Variants in RALYL observed in about 807,000 individuals in gnomAD.
The protein encoded by RALYL is RALY RNA binding protein like, also known as RNA-binding Raly-like protein.
A neutral mutation model predicts 35.1 loss-of-function variants in RALYL; 29 were observed. The ratio of observed to expected loss-of-function variants is 0.83; its 90% CI spans 0.61 to 1.13. RALYL has a LOEUF of 1.13. RALYL is among the 50% of genes most tolerant of loss of function. The pLI is 0.00. For missense variants in RALYL, 359 were observed against 360.4 expected, an observed-to-expected ratio of 1.00 and a Z score of 0.03; for synonymous variants, 120 against 127.6, an observed-to-expected ratio of 0.94 and a Z score of 0.40.
At chr8:84,442,511 A>C (rs2048437601) in intron 1 of RALYL, among the ~76,000 whole-genome samples, 1 of 152,100 alleles carries the variant, frequency 6.6e-6, no homozygotes, top group Non-Finnish European at 1.5e-5. Flanking sequence ...ACAAAACCAA[A>C]TAAGACCTAG....
intron 1 of RALYL, among the ~76,000 whole-genome samples, chr8:84,527,454 A>C (rs905356248): frequency 6.6e-6 from 1 of 152,302 alleles, no homozygotes. Flanking sequence ...CTGTCCAGGA[A>C]ATAAAATGTC....
chr8:84,226,693 AT>A (rs1001063682), intron 1 of RALYL, among the ~76,000 whole-genome samples: 3 of 152,096 alleles, frequency 2.0e-5, no homozygotes, highest in Non-Finnish European at 2.9e-5. Flanking sequence ...AAAAGTTCAA[AT>A]TTTTTTTGAA....
chr8:84,452,745 AT>A (rs1356207806), intron 1 of RALYL, among the ~76,000 whole-genome samples: 2 of 151,936 alleles, frequency 1.3e-5, no homozygotes, highest in Non-Finnish European at 2.9e-5. Flanking sequence ...CTGTTTATGT[AT>A]TTTTGTACAT....
intron 1 of RALYL, among the ~76,000 whole-genome samples, chr8:84,266,956 T>C (rs1435746741): frequency 8.6e-6 from 1 of 115,752 alleles, no homozygotes; most frequent in Non-Finnish European, 1.7e-5. Flanking sequence ...CGAGACTCCG[T>C]CTCAAAAAAA....
intron 2 of RALYL, among the ~76,000 whole-genome samples, chr8:84,568,257 T>A (rs2061934173): frequency 3.6e-5 from 5 of 138,814 alleles, no homozygotes; most frequent in East Asian, 2.2e-4. Flanking sequence ...TGTCCATGTG[T>A]TCTCATTGTT....
chr8:84,642,722 G>A (rs914510034), intron 2 of RALYL, among the ~76,000 whole-genome samples: 2 of 152,022 alleles, frequency 1.3e-5, no homozygotes, highest in Non-Finnish European at 2.9e-5. Flanking sequence ...GGTGTCCCTG[G>A]ATTGAATAAG....
intron 2 of RALYL, among the ~76,000 whole-genome samples, chr8:84,705,628 A>T (rs1406846028): frequency 6.6e-6 from 1 of 152,196 alleles, no homozygotes; most frequent in East Asian, 1.9e-4. Context: ...TATGAACCTA[A>T]TTTTTAATTT....
At chr8:84,394,963 A>T (rs1720137878) in intron 1 of RALYL, among the ~76,000 whole-genome samples, 1 of 151,906 alleles carries the variant, frequency 6.6e-6, no homozygotes, top group African/African-American at 2.4e-5. Flanking sequence ...TTAAACACAA[A>T]ATATATTTTT....
chr8:84,727,551 C>A (rs1296141022), intron 2 of RALYL, among the ~76,000 whole-genome samples: 1 of 151,746 alleles, frequency 6.6e-6, no homozygotes, highest in Non-Finnish European at 1.5e-5. Context: ...ATACATGTGA[C>A]ATGCTGGTGC....
At chr8:84,870,147 T>A (rs1839932854) in intron 6 of RALYL, among the ~76,000 whole-genome samples, 1 of 152,170 alleles carries the variant, frequency 6.6e-6, no homozygotes, top group African/African-American at 2.4e-5. Context: ...ATTTTGCTGA[T>A]TTTTGTTTGG....
At position 84,635,588 on chromosome 8, in the gene RALYL, C is replaced by A. The variant is rs1446906370; in HGVS notation, c.256+106011C>A. Among the ~76,000 whole-genome samples, 11 of 149,938 alleles carry A rather than the reference C, an allele frequency of 7.3e-5. No individual in the cohort carries two copies. The East Asian group carries it at 2.2e-3, about 29-fold the overall frequency. Reference sequence around the variant, plus strand: ...GGTACAGATACTATTGAGAGATTTACAAAAAAAAATCATAAAAACCTCTAG... The same window carrying A: ...GGTACAGATACTATTGAGAGATTTAAAAAAAAAAATCATAAAAACCTCTAG... On this transcript the variant is annotated intron_variant, in intron 2 of 8. Coordinates refer to ENST00000521268, the MANE Select transcript of RALYL (RefSeq NM_173848.7).
chr8:84,663,595 T>A lies in RALYL; in HGVS notation c.257-110984T>A, dbSNP rs190062563. 3.6e-3 allele frequency among the ~76,000 whole-genome samples: 550 copies of A among 152,320 alleles called. 4 individuals carry two copies. The highest frequency in any genetic ancestry group is 0.012 in the African/African-American group (512 of 41,568). On this transcript the variant is annotated intron_variant, in intron 2 of 8. Transcript: ENST00000521268. ...CAGTGACATTGAGCTTTTTTTCATG[T>A]TTGTTGGCTGCATGCATGTCTTCTT... is the stretch of plus-strand genomic sequence containing the variant.
At chr8:84,861,404 A>G (rs990259595) in intron 5 of RALYL, among the ~76,000 whole-genome samples, 4 of 152,176 alleles carry the variant, frequency 2.6e-5, no homozygotes, top group African/African-American at 7.2e-5. Context: ...GAATCTATGA[A>G]TTATATATTT....
chr8:84,706,782 G>T (rs867336345), intron 2 of RALYL, among the ~76,000 whole-genome samples: 1 of 152,062 alleles, frequency 6.6e-6, no homozygotes, highest in South Asian at 2.1e-4. Flanking sequence ...ACTATTTTAC[G>T]GTAAAGCAAT....
At chr8:84,744,167 GAGA>G (rs1808062532) in intron 2 of RALYL, among the ~76,000 whole-genome samples, 1 of 151,994 alleles carries the variant, frequency 6.6e-6, no homozygotes, top group Non-Finnish European at 1.5e-5. Context: ...TTAGATATTG[GAGA>G]ATTGTGAGAG....
At chr8:84,572,124 C>G (rs1808149221) in intron 2 of RALYL, among the ~76,000 whole-genome samples, 1 of 151,680 alleles carries the variant, frequency 6.6e-6, no homozygotes, top group Non-Finnish European at 1.5e-5. Context: ...GGTTTGTAGT[C>G]CAGTTTAAGT....
intron 1 of RALYL, among the ~76,000 whole-genome samples, chr8:84,469,347 G>A (rs1326224497): frequency 1.3e-5 from 2 of 152,052 alleles, no homozygotes; most frequent in African/African-American, 4.8e-5. Context: ...CTGTTTGTTA[G>A]TTTTCCTTCT....
intron 1 of RALYL, among the ~76,000 whole-genome samples, chr8:84,498,179 A>AG (rs1379356099): frequency 6.6e-6 from 1 of 152,004 alleles, no homozygotes; most frequent in Non-Finnish European, 1.5e-5. Flanking sequence ...CCATGTATCA[A>AG]CCAGTAGCTA....
At chr8:84,601,454 G>A (rs1417106783) in intron 2 of RALYL, among the ~76,000 whole-genome samples, 6 of 152,080 alleles carry the variant, frequency 3.9e-5, no homozygotes, top group South Asian at 4.2e-4. Context: ...CCACTTTCTC[G>A]GCCTTCCTGG....
Sources: allele counts gnomAD v4.1 joint callset (sites outside exome capture counted in the v4.1 genomes callset), GRCh38; gene constraint gnomAD v4.1.1; transcripts MANE v1.5; gene names NCBI Gene and HGNC (gene_info 2026-07-23, HGNC 2026-07-21).